ETV6: variants seen among roughly 807,000 people sequenced by gnomAD.
ETV6 encodes the protein ETS variant transcription factor 6.
In ETV6, 16 loss-of-function variants were observed where a neutral mutation model predicts 51.1. The ratio of observed to expected loss-of-function variants is 0.31; its 90% CI spans 0.21 to 0.48. The LOEUF is 0.48. ETV6 is among the 20% of genes least tolerant of loss of function. The pLI is 0.99. For synonymous variants in ETV6, 240 were observed against 224.1 expected, an observed-to-expected ratio of 1.07 and a Z score of -0.64; for missense variants, 458 against 594.8, an observed-to-expected ratio of 0.77 and a Z score of 2.39.
chr12:11,767,950 GT>G (rs1468990321), intron 2 of ETV6, among the ~76,000 whole-genome samples: 4 of 152,164 alleles, frequency 2.6e-5, no homozygotes, highest in Admixed American at 1.3e-4. Flanking sequence ...TTGAACGTGA[GT>G]TTGCTCAAGA....
chr12:11,769,288 G>C (rs1945206452), intron 2 of ETV6, among the ~76,000 whole-genome samples: 1 of 152,144 alleles, frequency 6.6e-6, no homozygotes, highest in South Asian at 2.1e-4. Context: ...GATAGTTCCA[G>C]AATTTACTTG....
chr12:11,675,207 G>A (rs1202306762), intron 1 of ETV6, among the ~76,000 whole-genome samples: 1 of 152,126 alleles, frequency 6.6e-6, no homozygotes, highest in African/African-American at 2.4e-5. Context: ...TAGCTCCCAG[G>A]TGTTTTTACA....
chr12:11,725,549 C>A (rs1020676068), intron 1 of ETV6, among the ~76,000 whole-genome samples: 2 of 152,170 alleles, frequency 1.3e-5, no homozygotes, highest in Non-Finnish European at 2.9e-5. Context: ...TACATGTACA[C>A]TCATCTGTAT....
At chr12:11,686,116 G>A (rs1214475848) in intron 1 of ETV6, among the ~76,000 whole-genome samples, 2 of 152,182 alleles carry the variant, frequency 1.3e-5, no homozygotes, top group Non-Finnish European at 2.9e-5. Context: ...AAAAGGTGCT[G>A]GTATTTTAGG....
At chr12:11,704,777 G>A (rs747846276) in intron 1 of ETV6, among the ~76,000 whole-genome samples, 8 of 147,760 alleles carry the variant, frequency 5.4e-5, no homozygotes, top group Non-Finnish European at 1.2e-4. Flanking sequence ...ACAGGGGTTT[G>A]TGTGTGTGTG....
Position 11,892,991 on chromosome 12 carries a change from A to G in ETV6, c.*1945A>G. 1 of 232,870 alleles carries G rather than the reference A, an allele frequency of 4.3e-6. No individual in the cohort carries two copies. The highest frequency in any genetic ancestry group is 6.0e-5 in the East Asian group (1 of 16,538). The allele number at this position is 232,870 out of a possible 1,614,324, so 14.4% of individuals were successfully genotyped here. A position where few individuals can be genotyped will look rare whatever the true frequency, so the allele number is the denominator to read the frequency against. On this transcript the variant is annotated 3_prime_UTR_variant, in exon 8 of 8. Coordinates refer to ENST00000396373, the MANE Select transcript of ETV6 (RefSeq NM_001987.5). ...CTCCTACTGTCACAGGCGCCCCACC[A>G]TTCAACCTTCCGGGAGGTCAGGGAC...
intron 2 of ETV6, among the ~76,000 whole-genome samples, chr12:11,834,856 A>G (rs1032685173): frequency 1.3e-5 from 2 of 152,212 alleles, no homozygotes; most frequent in Non-Finnish European, 2.9e-5. Context: ...GGGAATAGAG[A>G]TCACATACTC....
chr12:11,791,211 C>CT (rs1214139814), intron 2 of ETV6, among the ~76,000 whole-genome samples: 1 of 152,264 alleles, frequency 6.6e-6, no homozygotes, highest in East Asian at 1.9e-4. Context: ...GTTTTTCTTT[C>CT]TTTTTCTCCC....
intron 1 of ETV6, among the ~76,000 whole-genome samples, chr12:11,668,770 C>T (rs1044892865): frequency 9.9e-5 from 15 of 152,188 alleles, no homozygotes; most frequent in East Asian, 1.9e-4. Context: ...CACAATTGCC[C>T]GGCCAGGTGT....
chr12:11,756,293 T>A (rs1310889027), intron 2 of ETV6, among the ~76,000 whole-genome samples: 1 of 152,154 alleles, frequency 6.6e-6, no homozygotes, highest in Non-Finnish European at 1.5e-5. Context: ...ACCAGGACAG[T>A]GCCCTTCAAC....
At chr12:11,787,983 G>GA (rs1479896453) in intron 2 of ETV6, among the ~76,000 whole-genome samples, 3 of 152,218 alleles carry the variant, frequency 2.0e-5, no homozygotes, top group East Asian at 1.9e-4. Flanking sequence ...GGTATTACTG[G>GA]AAAAAAGTAC....
At position 11,893,154 on chromosome 12, in the gene ETV6, AT is replaced by A. The variant is rs1377710916; in HGVS notation, c.*2110del. On this transcript the variant is annotated 3_prime_UTR_variant, in exon 8 of 8. Coordinates refer to ENST00000396373, the MANE Select transcript of ETV6 (RefSeq NM_001987.5). ...TATTTCAGCCTCTAAGATGACTGGT[AT>A]TCTATCTGAAATGCAGAGATTAAGC... is the stretch of plus-strand genomic sequence containing the variant. The A allele has an allele frequency of 4.3e-6, 1 of 232,714 alleles. No individual in the cohort carries two copies. The highest frequency in any genetic ancestry group is 6.1e-5 in the East Asian group (1 of 16,524). The allele number at this position is 232,714 out of a possible 1,614,324, so 14.4% of individuals were successfully genotyped here. A position where few individuals can be genotyped will look rare whatever the true frequency, so the allele number is the denominator to read the frequency against.
At chr12:11,732,290 C>T (rs1865613618) in intron 1 of ETV6, among the ~76,000 whole-genome samples, 1 of 152,068 alleles carries the variant, frequency 6.6e-6, no homozygotes, top group Admixed American at 6.5e-5. Context: ...TGGTGAAAAA[C>T]GAAAACAAGA....
chr12:11,750,819 CT>C (rs1866010532), intron 1 of ETV6: 2 of 251,214 alleles, frequency 8.0e-6, no homozygotes, highest in Non-Finnish European at 1.5e-5. Flanking sequence ...TTTTTTTTTG[CT>C]TTTTTCATCC....
intron 2 of ETV6, among the ~76,000 whole-genome samples, chr12:11,779,976 CTT>C (rs1167724332): frequency 1.3e-5 from 2 of 152,194 alleles, no homozygotes; most frequent in Non-Finnish European, 2.9e-5. Flanking sequence ...GATGACATGA[CTT>C]TTTAAAAGGT....
intron 1 of ETV6, among the ~76,000 whole-genome samples, chr12:11,683,012 C>G (rs1210459095): frequency 6.6e-6 from 1 of 152,192 alleles, no homozygotes. Context: ...ATTGTTTTTA[C>G]TTAAAGATTC....
chr12:11,769,303 C>T (rs1050321133), intron 2 of ETV6, among the ~76,000 whole-genome samples: 1 of 152,118 alleles, frequency 6.6e-6, no homozygotes, highest in Non-Finnish European at 1.5e-5. Flanking sequence ...TACTTGTCTT[C>T]CTCATTCTCA....
intron 4 of ETV6, among the ~76,000 whole-genome samples, chr12:11,866,843 G>C (rs1946796922): frequency 6.6e-6 from 1 of 152,344 alleles, no homozygotes; most frequent in Admixed American, 6.5e-5. Flanking sequence ...AGAATTTGAG[G>C]AAGCTTTTAC....
intron 1 of ETV6, among the ~76,000 whole-genome samples, chr12:11,708,623 A>G (rs961745885): frequency 6.6e-6 from 1 of 152,142 alleles, no homozygotes; most frequent in Non-Finnish European, 1.5e-5. Flanking sequence ...GGGGATGGAC[A>G]TTGTTTCATT....
Sources: allele counts gnomAD v4.1 joint callset (sites outside exome capture counted in the v4.1 genomes callset), GRCh38; gene constraint gnomAD v4.1.1; transcripts MANE v1.5; gene names NCBI Gene and HGNC (gene_info 2026-07-23, HGNC 2026-07-21).